NPY1R: variants seen among roughly 807,000 people sequenced by gnomAD.
NPY1R encodes the protein neuropeptide Y receptor Y1.
In NPY1R, 10 loss-of-function variants were observed where a neutral mutation model predicts 24.1. That is an observed-to-expected ratio of 0.42 (90% CI 0.26 to 0.71). NPY1R has a LOEUF of 0.71. Ranked by LOEUF, NPY1R falls within the 30% of genes least tolerant of loss-of-function variation. The pLI is 0.28. For synonymous variants in NPY1R, 168 were observed against 165.9 expected, an observed-to-expected ratio of 1.01 and a Z score of -0.10; for missense variants, 350 against 458.0, an observed-to-expected ratio of 0.76 and a Z score of 2.15.
rs140768402 is a variant in NPY1R at position 163,326,321 on chromosome 4, C to T, written c.234G>A (p.Leu78=). 1.4e-5 allele frequency: 23 copies of T among 1,614,066 alleles called. No homozygotes were observed. In the African/African-American group the frequency reaches 2.1e-4, roughly 15 times the overall value. ...AGTCTGAGAAGGAAAGGTTCACAAT[C>T]AGGATGTTGGTAACATTTCTCATCT... ...QKEMRNVTNI[L]IVNLSFSDLL... is the part of the protein sequence containing the mutation. The change falls in exon 2 of 3, where the codon CTG becomes CTA. Residue 78 remains leucine (L), a synonymous_variant. Transcript: ENST00000296533.
intron 1 of NPY1R, among the ~76,000 whole-genome samples, chr4:163,341,714 T>C (rs1734984513): frequency 6.6e-6 from 1 of 152,176 alleles, no homozygotes; most frequent in Non-Finnish European, 1.5e-5. Context: ...ATTTCCCAAA[T>C]GAGCATTTTA....
chr4:163,337,324 TGCC>T (rs1734863527), upstream of NPY1R, among the ~76,000 whole-genome samples: 1 of 152,230 alleles, frequency 6.6e-6, no homozygotes, highest in Non-Finnish European at 1.5e-5. Flanking sequence ...TACCCAGAAA[TGCC>T]TTGGCTTGGG....
chr4:163,331,758 T>G (rs1344799285), intron 1 of NPY1R, among the ~76,000 whole-genome samples: 1 of 152,202 alleles, frequency 6.6e-6, no homozygotes, highest in Non-Finnish European at 1.5e-5. Context: ...GTTCCATCAT[T>G]ACTTTTCTAA....
intron 1 of NPY1R, among the ~76,000 whole-genome samples, chr4:163,332,020 C>A (rs1288657207): frequency 6.6e-6 from 1 of 152,198 alleles, no homozygotes; most frequent in Non-Finnish European, 1.5e-5. Context: ...ACGCGCCAAG[C>A]CCACCCTTCT....
At chr4:163,340,921 G>T (rs1156611538) in intron 1 of NPY1R, among the ~76,000 whole-genome samples, 1 of 151,938 alleles carries the variant, frequency 6.6e-6, no homozygotes, top group East Asian at 1.9e-4. Context: ...AATCATTAGG[G>T]CATCAAAAGG....
upstream of NPY1R, chr4:163,333,138 C>T (rs1308400989): frequency 6.6e-6 from 1 of 152,156 alleles, no homozygotes; most frequent in Admixed American, 6.5e-5. Flanking sequence ...AAAGTCAAAG[C>T]AGTCAATCGG....
intron 1 of NPY1R, among the ~76,000 whole-genome samples, chr4:163,343,178 T>A (rs1419150690): frequency 6.7e-6 from 1 of 149,876 alleles, no homozygotes; most frequent in Non-Finnish European, 1.5e-5. Context: ...TTCCCGTCTT[T>A]TTTTTTTTTT....
At chr4:163,343,495 C>A (rs1030434518) in intron 1 of NPY1R, among the ~76,000 whole-genome samples, 2 of 151,896 alleles carry the variant, frequency 1.3e-5, no homozygotes, top group Non-Finnish European at 2.9e-5. Flanking sequence ...CACCACCCCC[C>A]ACCGTCCCCC....
At chr4:163,331,577 G>T (rs1243313701) in intron 1 of NPY1R, among the ~76,000 whole-genome samples, 6 of 151,922 alleles carry the variant, frequency 3.9e-5, no homozygotes, top group Non-Finnish European at 5.9e-5. Context: ...AAAGAGAAAA[G>T]ATATAAACAA....
chr4:163,335,304 G>T (rs543585313), upstream of NPY1R, among the ~76,000 whole-genome samples: 215 of 152,142 alleles, frequency 1.4e-3, 2 homozygotes, highest in Non-Finnish European at 2.7e-3. Flanking sequence ...CAACAGTCTT[G>T]CTCTGTGATA....
intron 1 of NPY1R, among the ~76,000 whole-genome samples, chr4:163,339,184 G>A (rs141286190): frequency 5.8e-4 from 89 of 152,182 alleles, no homozygotes; most frequent in African/African-American, 2.0e-3. Flanking sequence ...GCAGTCATAC[G>A]AAACCATTTA....
At chr4:163,341,270 C>T (rs549131087) in intron 1 of NPY1R, among the ~76,000 whole-genome samples, 7 of 151,736 alleles carry the variant, frequency 4.6e-5, no homozygotes, top group African/African-American at 7.3e-5. Context: ...TTAAATTTAC[C>T]GTGATAGAAA....
At chr4:163,340,978 TAC>T (rs1734966338) in intron 1 of NPY1R, among the ~76,000 whole-genome samples, 1 of 152,054 alleles carries the variant, frequency 6.6e-6, no homozygotes, top group African/African-American at 2.4e-5. Context: ...CAGAAGTCAA[TAC>T]AATGTTAATG....
intron 1 of NPY1R, among the ~76,000 whole-genome samples, chr4:163,328,076 C>G (rs1167167840): frequency 8.4e-6 from 1 of 119,594 alleles, no homozygotes; most frequent in Non-Finnish European, 1.8e-5. Context: ...TTTGTGCTTT[C>G]TAGAACATGA....
In NPY1R at chr4:163,325,947, G is replaced by A; in HGVS notation, c.608C>T (p.Pro203Leu). 6.2e-7 allele frequency: 1 copy of A among 1,614,046 alleles called. No homozygotes were observed. The highest frequency in any genetic ancestry group is 1.1e-5 in the South Asian group (1 of 91,070). ...ATAAGACAACCTATGAGAGTCCGAT[G>A]GAAATTGATCAAAGCACACGTATTT... ...KDKYVCFDQF[P>L]SDSHRLSYTT... is the part of the protein sequence containing the mutation. Residue 203 changes from proline (P) to leucine (L), a missense_variant, in exon 2 of 3, where the codon CCA becomes CTA. Transcript: ENST00000296533.
intron 1 of NPY1R, among the ~76,000 whole-genome samples, chr4:163,329,340 C>T (rs976320678): frequency 2.0e-5 from 3 of 152,104 alleles, no homozygotes; most frequent in Non-Finnish European, 2.9e-5. Context: ...CGAGGTGGCT[C>T]ACACCTGTAA....
chr4:163,328,067 T>C (rs1328601257), intron 1 of NPY1R, among the ~76,000 whole-genome samples: 2 of 145,072 alleles, frequency 1.4e-5, no homozygotes, highest in African/African-American at 5.0e-5. Context: ...CCTTTAATTT[T>C]TGTGCTTTCT....
chr4:163,330,324 C>G lies in NPY1R; in HGVS notation c.-152+2158G>C, dbSNP rs543799730. Among the ~76,000 whole-genome samples the G allele has an allele frequency of 2.6e-5, 4 of 152,290 alleles. No individual in the cohort carries two copies. In the East Asian group the frequency reaches 7.7e-4, roughly 29 times the overall value. The stretch of plus-strand genomic sequence containing the variant: ...TTAATAGGCATGCCCAATGAGGAAG[C>G]ATTTTTCTTACTAGGTAGAAGTTAA... On this transcript the variant is annotated intron_variant, in intron 1 of 2. Transcript: ENST00000296533.
intron 1 of NPY1R, among the ~76,000 whole-genome samples, chr4:163,329,519 T>A (rs1026794718): frequency 2.0e-5 from 3 of 151,716 alleles, no homozygotes; most frequent in Non-Finnish European, 2.9e-5. Context: ...GAGAATTGCT[T>A]GAACCTGGGA....
Sources: allele counts gnomAD v4.1 joint callset (sites outside exome capture counted in the v4.1 genomes callset), GRCh38; gene constraint gnomAD v4.1.1; transcripts MANE v1.5; gene names NCBI Gene and HGNC (gene_info 2026-07-23, HGNC 2026-07-21).